Variants in CAPN2 observed in about 807,000 individuals in gnomAD.
The protein encoded by CAPN2 is calpain 2.
In CAPN2, 92 loss-of-function variants were observed where a neutral mutation model predicts 102.3. That is an observed-to-expected ratio of 0.90 (90% CI 0.76 to 1.07). The LOEUF (loss-of-function observed/expected upper bound fraction) is 1.07, where lower values mean the gene tolerates loss of function less well. Among genes scored for constraint, CAPN2 ranks in the 50% least tolerant of loss-of-function variants. The pLI is 0.00. For synonymous variants in CAPN2, 340 were observed against 355.4 expected (o/e 0.96, Z 0.49); for missense variants, 800 against 909.4 (o/e 0.88, Z 1.55).
chr1:223,746,502 G>A (rs1306325946), intron 4 of CAPN2, among the ~76,000 whole-genome samples: 2 of 91,190 alleles, frequency 2.2e-5, no homozygotes, highest in African/African-American at 1.2e-4. Context: ...TTTTTAATAC[G>A]GAGCCTCATT....
At chr1:223,765,108 G>A (rs1344091308) in intron 15 of CAPN2, among the ~76,000 whole-genome samples, 1 of 152,236 alleles carries the variant, frequency 6.6e-6, no homozygotes, top group Non-Finnish European at 1.5e-5. Context: ...CTGCATCAGA[G>A]ACAAATGCAG....
chr1:223,765,893 C>G (rs1457357352), intron 15 of CAPN2, among the ~76,000 whole-genome samples: 1 of 152,208 alleles, frequency 6.6e-6, no homozygotes, highest in African/African-American at 2.4e-5. Flanking sequence ...TAGTGCAGCA[C>G]AAATAGCTCG....
chr1:223,711,097 CTTCT>C (rs1659717885), upstream of CAPN2, among the ~76,000 whole-genome samples: 1 of 152,184 alleles, frequency 6.6e-6, no homozygotes, highest in African/African-American at 2.4e-5. Flanking sequence ...GCATCCCTGG[CTTCT>C]ACTTAGTAAA....
intron 1 of CAPN2, among the ~76,000 whole-genome samples, chr1:223,706,199 C>G (rs1050075898): frequency 2.6e-5 from 4 of 152,172 alleles, no homozygotes; most frequent in Non-Finnish European, 5.9e-5. Flanking sequence ...GTTTCCCTCT[C>G]TCCTTCTACT....
At chr1:223,732,208 TCTAGAAC>T (rs200590239) in intron 2 of CAPN2, among the ~76,000 whole-genome samples, 3,178 of 152,174 alleles carry the variant, frequency 0.021, 44 homozygotes, top group Non-Finnish European at 0.035. Context: ...GGGGTCCTGA[TCTAGAAC>T]TAAGAAAGGG....
chr1:223,749,848 C>G (rs1660841576), intron 6 of CAPN2, among the ~76,000 whole-genome samples: 1 of 152,042 alleles, frequency 6.6e-6, no homozygotes, highest in African/African-American at 2.4e-5. Flanking sequence ...GAACCTGTCT[C>G]TACAAAAAAA....
intron 7 of CAPN2, among the ~76,000 whole-genome samples, 165 bp from the exon 8 acceptor site, chr1:223,751,832 T>C (rs1227025861): frequency 6.6e-6 from 1 of 152,244 alleles, no homozygotes; most frequent in African/African-American, 2.4e-5. Flanking sequence ...TTTAAAGTGC[T>C]GTAAGAGTAT....
At chr1:223,712,027 T>C (rs1360024720), upstream of CAPN2, among the ~76,000 whole-genome samples, 3 of 152,180 alleles carry the variant, frequency 2.0e-5, no homozygotes, top group African/African-American at 7.2e-5. Flanking sequence ...TTGTGCCACA[T>C]TGGGGACGTC....
chr1:223,737,628 T>A (rs142525084), intron 2 of CAPN2, among the ~76,000 whole-genome samples: 235 of 141,732 alleles, frequency 1.7e-3, no homozygotes, highest in African/African-American at 5.9e-3. Flanking sequence ...TTACAGTGAC[T>A]TAGGCAGAAT....
intron 2 of CAPN2, among the ~76,000 whole-genome samples, chr1:223,736,009 A>G (rs1272664300): frequency 6.6e-6 from 1 of 152,008 alleles, no homozygotes; most frequent in African/African-American, 2.4e-5. Flanking sequence ...TGAACTCCTG[A>G]TCTCGTGATC....
chr1:223,753,178 G>A (rs751471225), intron 9 of CAPN2, among the ~76,000 whole-genome samples: 29 of 151,758 alleles, frequency 1.9e-4, no homozygotes, highest in Non-Finnish European at 3.1e-4. Context: ...GCCCTACCCA[G>A]GACAAACCCA....
intron 2 of CAPN2, among the ~76,000 whole-genome samples, chr1:223,741,579 C>T (rs1362772533): frequency 1.3e-5 from 2 of 151,374 alleles, no homozygotes; most frequent in South Asian, 2.1e-4. Context: ...CTCAGCCTAC[C>T]GAATAGCTGG....
intron 20 of CAPN2, among the ~76,000 whole-genome samples, chr1:223,774,196 C>G (rs1008650924): frequency 6.6e-6 from 1 of 151,394 alleles, no homozygotes; most frequent in Non-Finnish European, 1.5e-5. Flanking sequence ...CCTGCTCAGT[C>G]CACTCCCTCC....
In CAPN2 at chr1:223,747,002, A is replaced by G. The variant is rs990085558; in HGVS notation, c.566A>G (p.Asn189Ser). The G allele has an allele frequency of 7.4e-6, 12 of 1,613,226 alleles. No homozygotes were observed. The highest frequency in any genetic ancestry group is 9.3e-6 in the Non-Finnish European group (11 of 1,179,556). ...CGTCTAATCCCCTCTTGTAGGATCAACGGATGCTATGAAGCGCTATCAGGG... is the reference window on the plus strand; with the variant it reads ...CGTCTAATCCCCTCTTGTAGGATCAGCGGATGCTATGAAGCGCTATCAGGG... Reference protein sequence around the residue: ...ALLEKAYAKINGCYEALSGGA... With the variant: ...ALLEKAYAKISGCYEALSGGA... The change falls in exon 5 of 21, where the codon AAC becomes AGC. Residue 189 changes from asparagine (N) to serine (S), a missense_variant. Coordinates refer to ENST00000295006, the MANE Select transcript of CAPN2 (RefSeq NM_001748.5).
In CAPN2 at chr1:223,740,863, TC is replaced by T. The variant is rs1660593761; in HGVS notation, c.308-3236del. On this transcript the variant is annotated intron_variant, in intron 2 of 20. Coordinates refer to ENST00000295006, the MANE Select transcript of CAPN2 (RefSeq NM_001748.5). ...CCCCAAGACCTGTCCAATTTCGAAT[TC>T]AATTAGGTGAATTCGAAATTGACAC... 3.9e-5 allele frequency among the ~76,000 whole-genome samples: 6 copies of T among 152,198 alleles called. No individual in the cohort carries two copies. The South Asian group carries it at 1.2e-3, about 32-fold the overall frequency.
chr1:223,753,885 T>A (rs1660967182), intron 9 of CAPN2, among the ~76,000 whole-genome samples: 1 of 152,218 alleles, frequency 6.6e-6, no homozygotes, highest in Admixed American at 6.5e-5. Flanking sequence ...GTTATGTATA[T>A]ACAAATATTC....
chr1:223,737,814 G>C (rs1201443861), intron 2 of CAPN2, among the ~76,000 whole-genome samples: 1 of 150,974 alleles, frequency 6.6e-6, no homozygotes, highest in Non-Finnish European at 1.5e-5. Flanking sequence ...AAAACCGGGA[G>C]AGGGGAAAAA....
Position 223,759,362 on chromosome 1 carries a change from G to A in CAPN2, c.1410G>A (p.Glu470=), listed in dbSNP as rs374384888. ...CAGACACCTTCATCAACCTCCGGGA[G>A]GTGCTCAACCGCTTCAAGCTGCCGC... ...ERSDTFINLR[E]VLNRFKLPPG... The change falls in exon 12 of 21, where the codon GAG becomes GAA. Residue 470 remains glutamate (E), a synonymous_variant. Coordinates refer to ENST00000295006, the MANE Select transcript of CAPN2 (RefSeq NM_001748.5). The surrounding 1 kb of genome is among the most constrained non-coding windows in gnomAD (Gnocchi z 4.6). The A allele has an allele frequency of 5.6e-6, 9 of 1,614,100 alleles. No homozygotes were observed. Among genetic ancestry groups the A allele is most frequent in the South Asian group, 2.2e-5 (2 of 91,090 alleles).
At position 223,750,888 on chromosome 1, in the gene CAPN2, A is replaced by G; in HGVS notation, c.814-2A>G. ...ACTCCTCCCTTTTATCTAATCCTGCAGGTTGAAAGTAACGGAAGCCTACAG... is the reference window on the plus strand; with the variant it reads ...ACTCCTCCCTTTTATCTAATCCTGCGGGTTGAAAGTAACGGAAGCCTACAG... On this transcript the variant is annotated splice_acceptor_variant, in intron 6 of 20. Coordinates refer to ENST00000295006, the MANE Select transcript of CAPN2 (RefSeq NM_001748.5). LOFTEE classifies it high-confidence loss of function. 1 of 1,551,756 alleles carries G rather than the reference A, an allele frequency of 6.4e-7. No homozygotes were observed. The highest frequency in any genetic ancestry group is 8.7e-7 in the Non-Finnish European group (1 of 1,146,942).
Sources: gnomAD v4.1 joint callset for allele counts (sites outside exome capture counted in the v4.1 genomes callset) on GRCh38, gnomAD v4.1.1 for gene constraint, Gnocchi (gnomAD v3.1) non-coding constraint, MANE v1.5 for transcripts, NCBI Gene and HGNC (gene_info 2026-07-23, HGNC 2026-07-21) for gene names.